Variants in PEX5 observed in about 807,000 individuals in gnomAD.
PEX5 encodes PTS1 receptor.
A neutral mutation model predicts 82.9 loss-of-function variants in PEX5; 52 were observed. That is an observed-to-expected ratio of 0.63 (90% CI 0.50 to 0.79). The LOEUF (loss-of-function observed/expected upper bound fraction) is 0.79. Among genes scored for constraint, PEX5 ranks in the 30% least tolerant of loss-of-function variants. The pLI, the probability that PEX5 is intolerant of heterozygous loss-of-function variation, is 0.00. For synonymous variants in PEX5, 300 were observed against 318.8 expected (o/e 0.94, Z 0.63); for missense variants, 719 against 815.2 (o/e 0.88, Z 1.44).
chr12:7,198,891 A>C, intron 5 of PEX5, 120 bp from the exon 6 acceptor site: 1 of 648,530 alleles, frequency 1.5e-6, no homozygotes. Context: ...GGGAGTCAGC[A>C]GAGTTTTGTC....
chr12:7,202,425 G>A, intron 8 of PEX5, 74 bp downstream of exon 8: 1 of 1,566,206 alleles, frequency 6.4e-7, no homozygotes, highest in East Asian at 2.3e-5. Flanking sequence ...GTGGTCAGTG[G>A]TCCCAGATGG....
downstream of PEX5, among the ~76,000 whole-genome samples, chr12:7,212,045 AGCCTCC>A (rs1418985572): frequency 1.8e-4 from 27 of 150,520 alleles, no homozygotes; most frequent in Admixed American, 1.4e-3. Context: ...AGCTCACTGC[AGCCTCC>A]GCCTCCTGGG....
chr12:7,216,798 G>T (rs1000802260), intron 17 of PEX5, among the ~76,000 whole-genome samples: 2 of 151,992 alleles, frequency 1.3e-5, no homozygotes, highest in Non-Finnish European at 2.9e-5. Context: ...TATTTCTTTT[G>T]TATTTTTTCT....
In PEX5 at chr12:7,202,598, C is replaced by A. The variant is rs1271909346; in HGVS notation, c.754-14C>A. 3.1e-6 allele frequency: 5 copies of A among 1,611,392 alleles called. No individual in the cohort carries two copies. The highest frequency in any genetic ancestry group is 4.2e-6 in the Non-Finnish European group (5 of 1,177,704). On this transcript the variant is annotated splice_polypyrimidine_tract_variant and intron_variant, in intron 8 of 15. Coordinates refer to ENST00000675855, the MANE Select transcript of PEX5 (RefSeq NM_001351132.2). Reference sequence around the variant, plus strand: ...GTTGGTGGTAGTGGTACTGACCATCCTTTTTTGTCGCAGGGTACATCAGAT... The same window carrying A: ...GTTGGTGGTAGTGGTACTGACCATCATTTTTTGTCGCAGGGTACATCAGAT...
chr12:7,196,396 A>G (rs1190532442), intron 5 of PEX5, among the ~76,000 whole-genome samples: 3 of 137,138 alleles, frequency 2.2e-5, no homozygotes, highest in Non-Finnish European at 4.6e-5. Flanking sequence ...TGTGTCATAC[A>G]TATATGTGTC....
intron 6 of PEX5, among the ~76,000 whole-genome samples, chr12:7,200,874 A>C (rs1226428055): frequency 6.7e-6 from 1 of 150,318 alleles, no homozygotes; most frequent in Non-Finnish European, 1.5e-5. Flanking sequence ...TCAGAGGGAG[A>C]CCGTGGAAAG....
chr12:7,197,619 G>C lies in PEX5; in HGVS notation c.449-1392G>C, dbSNP rs997621681. ...GTGTATTCTGAGAGTCTTGATCTTT[G>C]TTTTTCACATTTTGACATTTCATGC... On this transcript the variant is annotated intron_variant, in intron 5 of 15. Transcript: ENST00000675855. Among the ~76,000 whole-genome samples, 653 of 150,012 alleles carry C rather than the reference G, an allele frequency of 4.4e-3. 1 individual carries two copies. The highest frequency in any genetic ancestry group is 7.9e-3 in the Non-Finnish European group (532 of 67,470).
Position 7,210,954 on chromosome 12 carries a change from CTAGATCAGAA to C in PEX5, c.*732_*741del, listed in dbSNP as rs1307968244. On this transcript the variant is annotated 3_prime_UTR_variant, in exon 16 of 16. Coordinates refer to ENST00000675855, the MANE Select transcript of PEX5 (RefSeq NM_001351132.2). Reference sequence around the variant, plus strand: ...GAGGCTGGGTGGGAGCGGGGAGGGACTAGATCAGAAGAGATCAAGGGCTCTATTCAGGAAC... The same window carrying C: ...GAGGCTGGGTGGGAGCGGGGAGGGACGAGATCAAGGGCTCTATTCAGGAAC... 2 of 161,864 alleles carry C rather than the reference CTAGATCAGAA, an allele frequency of 1.2e-5. No individual in the cohort carries two copies. Among genetic ancestry groups the C allele is most frequent in the African/African-American group, 2.4e-5 (1 of 41,432 alleles). 10.0% of individuals were successfully genotyped at this position (161,864 alleles called of 1,614,324 possible).
At chr12:7,189,863 A>G (rs1037724624) in intron 1 of PEX5, 113 bp downstream of exon 1, 3 of 1,311,598 alleles carry the variant, frequency 2.3e-6, no homozygotes, top group Non-Finnish European at 3.0e-6. Context: ...GGCCGGGGAG[A>G]TGGGCGGTGG....
chr12:7,211,969 GTTT>G (rs371831157), downstream of PEX5, among the ~76,000 whole-genome samples: 16 of 140,036 alleles, frequency 1.1e-4, no homozygotes, highest in South Asian at 4.6e-4. Context: ...TTTTTTTTTT[GTTT>G]TTTTTTTTTT....
chr12:7,211,846 C>T (rs4329748), downstream of PEX5, among the ~76,000 whole-genome samples: 67,113 of 151,824 alleles, frequency 0.44, 15,963 homozygotes, highest in Admixed American at 0.61. Flanking sequence ...GGAACTGTAT[C>T]AAGTGCCATA....
At chr12:7,190,201 C>G in intron 1 of PEX5, 161 bp from the exon 2 acceptor site, 17 of 1,556,818 alleles carry the variant, frequency 1.1e-5, no homozygotes, top group Middle Eastern at 2.3e-4. Flanking sequence ...CGACCTCCCT[C>G]GAACTCCTGG....
intron 6 of PEX5, among the ~76,000 whole-genome samples, chr12:7,200,156 T>G (rs1388688076): frequency 3.7e-5 from 5 of 134,364 alleles, no homozygotes; most frequent in East Asian, 2.3e-4. Flanking sequence ...GGGCAGAGGG[T>G]CTCCTCACTT....
At position 7,199,109 on chromosome 12, in the gene PEX5, C is replaced by A. The variant is rs746104983; in HGVS notation, c.547C>A (p.Arg183Ser). ...LGEPEGTATD[R>S]WYDEYHPEED... ...AGAACCTGAGGGAACAGCCACCGAT[C>A]GCTGGTGAGTTCAGATACCTCTTTC... The change falls in exon 6 of 16, where the codon CGC becomes AGC. Residue 183 changes from arginine to serine, a missense_variant. Arg to Ser is a moderately radical substitution (Grantham distance 110). Coordinates refer to ENST00000675855, the MANE Select transcript of PEX5 (RefSeq NM_001351132.2). 1.3e-6 allele frequency: 2 copies of A among 1,570,154 alleles called. No individual in the cohort carries two copies. The highest frequency in any genetic ancestry group is 1.4e-5 in the African/African-American group (1 of 74,008).
intron 1 of PEX5, 154 bp downstream of exon 1, chr12:7,189,904 G>A (rs1940635484): frequency 7.0e-7 from 1 of 1,423,708 alleles, no homozygotes; most frequent in Non-Finnish European, 9.1e-7. Flanking sequence ...CCGAGCCGGG[G>A]GAAGGGCTCC....
At chr12:7,209,647 C>CGGTG in intron 14 of PEX5, 36 bp from the exon 15 acceptor site, 4 of 1,611,102 alleles carry the variant, frequency 2.5e-6, no homozygotes, top group Non-Finnish European at 3.4e-6. Flanking sequence ...TGAGCTGAGT[C>CGGTG]AAGCTGTTCC....
rs997272104 is a variant in PEX5 at position 7,202,300 on chromosome 12, G to T, written c.702G>T (p.Gly234=). Residue 234 remains glycine (G), a synonymous_variant, in exon 8 of 16, where the codon GGG becomes GGT. Coordinates refer to ENST00000675855, the MANE Select transcript of PEX5 (RefSeq NM_001351132.2). ...AGGTGTCCCTGGAGTCCGGTGCAGGGTCGGGCCGAGCTCAGGCAGAACAGT... is the reference window on the plus strand; with the variant it reads ...AGGTGTCCCTGGAGTCCGGTGCAGGTTCGGGCCGAGCTCAGGCAGAACAGT... ...EGQVSLESGA[G]SGRAQAEQWA... 4 of 1,614,108 alleles carry T rather than the reference G, an allele frequency of 2.5e-6. No individual in the cohort carries two copies. Among genetic ancestry groups the T allele is most frequent in the African/African-American group, 2.7e-5 (2 of 75,024 alleles).
downstream of PEX5, among the ~76,000 whole-genome samples, chr12:7,212,482 A>ACCC (rs1261621764): frequency 1.7e-5 from 1 of 57,936 alleles, no homozygotes; most frequent in African/African-American, 5.1e-5. Context: ...AAAAAAAAAA[A>ACCC]AAAAAACCCA....
intron 1 of PEX5, 121 bp downstream of exon 1, chr12:7,189,871 T>C (rs1470130842): frequency 7.4e-7 from 1 of 1,342,332 alleles, no homozygotes; most frequent in East Asian, 2.9e-5. Context: ...AGATGGGCGG[T>C]GGGGAGCGCG....
Sources: gnomAD v4.1 joint callset for allele counts (sites outside exome capture counted in the v4.1 genomes callset) on GRCh38, gnomAD v4.1.1 for gene constraint, MANE v1.5 for transcripts, NCBI Gene and HGNC (gene_info 2026-07-23, HGNC 2026-07-21) for gene names.